Variants in NPHP4 observed in about 807,000 individuals in gnomAD.
The protein encoded by NPHP4 is nephrocystin 4.
Under a neutral mutation model 155.8 loss-of-function variants are expected in NPHP4, and 151 were observed. That is an observed-to-expected ratio of 0.97 (90% CI 0.85 to 1.11). NPHP4 has a LOEUF of 1.11. Among genes scored for constraint, NPHP4 ranks in the 50% least tolerant of loss-of-function variants. NPHP4 has a pLI of 0.00. For missense variants in NPHP4, 1,956 were observed against 1,925.7 expected (o/e 1.02, Z -0.29); for synonymous variants, 845 against 816.8 (o/e 1.03, Z -0.59).
At chr1:5,943,663 G>A (rs966807991) in intron 9 of NPHP4, among the ~76,000 whole-genome samples, 4 of 152,206 alleles carry the variant, frequency 2.6e-5, no homozygotes, top group African/African-American at 4.8e-5. Flanking sequence ...GCAGGAAGAC[G>A]GCTGTCACAA....
At chr1:5,926,056 T>C (rs1328653347) in intron 11 of NPHP4, among the ~76,000 whole-genome samples, 1 of 152,172 alleles carries the variant, frequency 6.6e-6, no homozygotes. Context: ...AGGAAATGCA[T>C]GCATGCCTAC....
At position 5,905,701 on chromosome 1, in the gene NPHP4, G is replaced by C. The variant is rs760651634; in HGVS notation, c.1694C>G (p.Ala565Gly). ...QTSLVLETSI[A>G]EQLQELPFTP... Reference sequence around the variant, plus strand: ...GAACGGCAGCTCCTGTAACTGTTCGGCAATGGATGTTTCCAGGACCAGGGA... The same window carrying C: ...GAACGGCAGCTCCTGTAACTGTTCGCCAATGGATGTTTCCAGGACCAGGGA... Residue 565 changes from alanine (A) to glycine (G), a missense_variant, in exon 14 of 30, where the codon GCC becomes GGC. Transcript: ENST00000378156. The surrounding 1 kb of genome is among the most constrained non-coding windows in gnomAD (Gnocchi z 4.0). 1 of 1,613,840 alleles carries C rather than the reference G, an allele frequency of 6.2e-7. No individual in the cohort carries two copies. Among genetic ancestry groups the C allele is most frequent in the South Asian group, 1.1e-5 (1 of 91,038 alleles).
At chr1:5,941,447 A>C (rs1646812750) in intron 9 of NPHP4, among the ~76,000 whole-genome samples, 1 of 152,152 alleles carries the variant, frequency 6.6e-6, no homozygotes, top group African/African-American at 2.4e-5. Flanking sequence ...GACTACATTA[A>C]AAGATGTTTT....
intron 3 of NPHP4, among the ~76,000 whole-genome samples, chr1:5,973,028 G>A (rs372740624): frequency 2.6e-5 from 4 of 152,262 alleles, no homozygotes; most frequent in African/African-American, 9.6e-5. Flanking sequence ...GGGATTACGC[G>A]TGTGTGCCAC....
At position 5,880,155 on chromosome 1, in the gene NPHP4, C is replaced by A. The variant is rs959762813; in HGVS notation, c.2570G>T (p.Arg857Leu). Reference sequence around the variant, plus strand: ...CGTGAGGAGGCTGCCTCCAGAGAAGCGGCTGGCTCCATCGTTTGAGATGAC... The same window carrying A: ...CGTGAGGAGGCTGCCTCCAGAGAAGAGGCTGGCTCCATCGTTTGAGATGAC... The part of the protein sequence containing the change: ...SRVISNDGAS[R>L]FSGGSLLTTG... The change falls in exon 19 of 30, where the codon CGC (arginine) becomes CTC (leucine). Residue 857 changes from arginine (R) to leucine (L), a missense_variant. Coordinates refer to ENST00000378156, the MANE Select transcript of NPHP4 (RefSeq NM_015102.5). 4.3e-6 allele frequency: 7 copies of A among 1,613,658 alleles called. No homozygotes were observed. Among genetic ancestry groups the A allele is most frequent in the Non-Finnish European group, 5.9e-6 (7 of 1,179,750 alleles).
rs886046464 is a variant in NPHP4 at position 5,877,209 on chromosome 1, G to A, written c.2701C>T (p.Pro901Ser). 1.4e-5 allele frequency: 22 copies of A among 1,606,604 alleles called. No homozygotes were observed. Among genetic ancestry groups the A allele is most frequent in the Non-Finnish European group, 1.9e-5 (22 of 1,176,062 alleles). The change falls in exon 20 of 30, where the codon CCC becomes TCC. Residue 901 changes from proline (P) to serine (S), a missense_variant. Physicochemically the swap from Pro to Ser is moderately conservative, Grantham distance 74. Coordinates refer to ENST00000378156, the MANE Select transcript of NPHP4 (RefSeq NM_015102.5). ...LLTHARQGKG[P>S]QDVSRESDAT... is the part of the protein sequence containing the mutation. Reference sequence around the variant, plus strand: ...TCCGACTCGCGGCTGACGTCCTGGGGCCCCTTGCCCTGCCGGGCATGGGTC... The same window carrying A: ...TCCGACTCGCGGCTGACGTCCTGGGACCCCTTGCCCTGCCGGGCATGGGTC...
At chr1:5,971,409 T>G (rs1159295708) in intron 3 of NPHP4, among the ~76,000 whole-genome samples, 1 of 152,236 alleles carries the variant, frequency 6.6e-6, no homozygotes, top group African/African-American at 2.4e-5. Flanking sequence ...AATTACTGAT[T>G]GATAAGGACA....
At chr1:5,886,919 G>A (rs950129233) in intron 18 of NPHP4, 1 of 210,288 alleles carries the variant, frequency 4.8e-6, no homozygotes, top group Non-Finnish European at 9.5e-6. Context: ...CTGCAGGGAA[G>A]TTAGGAACAC....
chr1:5,944,102 T>C lies in NPHP4; in HGVS notation c.1119+3002A>G, dbSNP rs537011894. Among the ~76,000 whole-genome samples the C allele has an allele frequency of 7.9e-5, 12 of 152,292 alleles. No individual in the cohort carries two copies. In the East Asian group the frequency reaches 2.3e-3, roughly 29 times the overall value. On this transcript the variant is annotated intron_variant, in intron 9 of 29. Coordinates refer to ENST00000378156, the MANE Select transcript of NPHP4 (RefSeq NM_015102.5). This position sits in a 1 kb window ranked among gnomAD's most constrained non-coding sequence, Gnocchi z 4.3. ...GAAATAAAATGATGCCTGGAATTTG[T>C]TTCAGAATAATTCAAAACGGGTTGT...
intron 11 of NPHP4, among the ~76,000 whole-genome samples, chr1:5,919,547 G>A (rs1645633058): frequency 6.6e-6 from 1 of 152,208 alleles, no homozygotes; most frequent in Non-Finnish European, 1.5e-5. Context: ...AGTCTTTGCT[G>A]AATGGAGAGT....
intron 2 of NPHP4, among the ~76,000 whole-genome samples, chr1:5,985,371 C>T (rs1226089342): frequency 6.6e-6 from 1 of 152,250 alleles, no homozygotes; most frequent in Non-Finnish European, 1.5e-5. Flanking sequence ...CCAGCTTGTC[C>T]AGCAGGTTCC....
Position 5,907,155 on chromosome 1 carries a change from G to A in NPHP4, c.1571C>T (p.Ser524Leu), listed in dbSNP as rs1268005672. 4 of 1,585,908 alleles carry A rather than the reference G, an allele frequency of 2.5e-6. No individual in the cohort carries two copies. The highest frequency in any genetic ancestry group is 3.4e-6 in the Non-Finnish European group (4 of 1,165,408). Residue 524 changes from serine to leucine, a missense_variant, in exon 13 of 30, where the codon TCA (serine) becomes TTA (leucine). Transcript: ENST00000378156. ...GGCCTGAGAGCCATGGGGTAGCTGT[G>A]AAGTAGGCCTGGCCAAGCAGTGCTG... The part of the protein sequence containing the change: ...PTQHCLARPT[S>L]QLPHGSQASP...
Position 5,986,128 on chromosome 1 carries a change from G to C in NPHP4, c.135+27C>G, listed in dbSNP as rs767580463. 3.1e-6 allele frequency: 5 copies of C among 1,612,158 alleles called. No homozygotes were observed. In the South Asian group the frequency reaches 3.3e-5, roughly 11 times the overall value. On this transcript the variant is annotated intron_variant, in intron 2 of 29. Coordinates refer to ENST00000378156, the MANE Select transcript of NPHP4 (RefSeq NM_015102.5). Reference sequence around the variant, plus strand: ...TCATGTCAGCTAAGAGCAATAACACGCATTTGCTAACAGCACATTTTGTTA... The same window carrying C: ...TCATGTCAGCTAAGAGCAATAACACCCATTTGCTAACAGCACATTTTGTTA...
At chr1:5,866,989 T>G in intron 25 of NPHP4, 41 bp downstream of exon 25, 2 of 1,516,858 alleles carry the variant, frequency 1.3e-6, no homozygotes, top group Non-Finnish European at 1.8e-6. Context: ...GCAGACTCAC[T>G]GGGAAGGATC....
At chr1:5,874,792 A>G in intron 21 of NPHP4, 82 bp downstream of exon 21, 1 of 1,542,000 alleles carries the variant, frequency 6.5e-7, no homozygotes, top group Non-Finnish European at 8.9e-7. Context: ...CTCGGGCAGA[A>G]TTCGAGCCAG....
chr1:5,947,303 T>C lies in NPHP4; in HGVS notation c.993-73A>G. On this transcript the variant is annotated intron_variant, in intron 8 of 29. Transcript: ENST00000378156. ...TCCTTCCCGCATCCACGTCGACCAC[T>C]GTCAGAACAGTCAAGGGGACACCCT... 2.6e-6 allele frequency: 4 copies of C among 1,546,358 alleles called. No homozygotes were observed. The South Asian group carries it at 3.5e-5, about 14-fold the overall frequency.
intron 2 of NPHP4, among the ~76,000 whole-genome samples, chr1:5,983,143 T>A (rs913839711): frequency 1.2e-4 from 18 of 152,110 alleles, no homozygotes; most frequent in African/African-American, 3.9e-4. Context: ...AGTGTTCTGA[T>A]CTATCTGTTT....
At chr1:5,965,211 G>A (rs904963862) in intron 5 of NPHP4, among the ~76,000 whole-genome samples, 1 of 151,904 alleles carries the variant, frequency 6.6e-6, no homozygotes, top group Non-Finnish European at 1.5e-5. Context: ...GGGATTACAG[G>A]TGTGAGCCAC....
rs373650097 is a variant in NPHP4, at chr1:5,867,933, G to A, written c.3316-37C>T. 40 of 1,611,706 alleles carry A rather than the reference G, an allele frequency of 2.5e-5. No homozygotes were observed. Among genetic ancestry groups the A allele is most frequent in the Admixed American group, 2.3e-4 (14 of 60,000 alleles). On this transcript the variant is annotated intron_variant, in intron 23 of 29. Coordinates refer to ENST00000378156, the MANE Select transcript of NPHP4 (RefSeq NM_015102.5). The surrounding 1 kb of genome is among the most constrained non-coding windows in gnomAD (Gnocchi z 4.1). ...CCACGCTGAGTGTTGGGATGGGCAC[G>A]AGGCTTGTGAGCAGCTTCTTGTCCC...
Sources: gnomAD v4.1 joint callset for allele counts (sites outside exome capture counted in the v4.1 genomes callset) on GRCh38, gnomAD v4.1.1 for gene constraint, Gnocchi (gnomAD v3.1) non-coding constraint, MANE v1.5 for transcripts, NCBI Gene and HGNC (gene_info 2026-07-23, HGNC 2026-07-21) for gene names.